The following IMPG2 variants were observed in gnomAD, a reference collection of about 807,000 sequenced individuals.
IMPG2 encodes the protein interphotoreceptor matrix proteoglycan 2.
A neutral mutation model predicts 129.2 loss-of-function variants in IMPG2; 91 were observed. That is an observed-to-expected ratio of 0.70 (90% CI 0.59 to 0.84). The LOEUF (loss-of-function observed/expected upper bound fraction) is 0.84. Among genes scored for constraint, IMPG2 ranks in the 40% least tolerant of loss-of-function variants. The pLI is 0.00. For missense variants in IMPG2, 1,430 were observed against 1,461.7 expected (o/e 0.98, Z 0.35); for synonymous variants, 510 against 517.7 (o/e 0.99, Z 0.20).
intron 14 of IMPG2, among the ~76,000 whole-genome samples, chr3:101,236,693 T>G (rs1706349521): frequency 6.6e-6 from 1 of 152,146 alleles, no homozygotes; most frequent in Non-Finnish European, 1.5e-5. Context: ...TCCCACTGTC[T>G]TCGTAACCTG....
intron 17 of IMPG2, 62 bp downstream of exon 17, chr3:101,229,318 C>CCCG: frequency 8.8e-7 from 1 of 1,136,284 alleles, no homozygotes; most frequent in Non-Finnish European, 1.3e-6. Context: ...CCACCACCCC[C>CCCG]TGCTCCCCCA....
chr3:101,317,591 T>G (rs1248210733), intron 2 of IMPG2, among the ~76,000 whole-genome samples: 3 of 152,202 alleles, frequency 2.0e-5, no homozygotes, highest in Non-Finnish European at 4.4e-5. Flanking sequence ...AAAATACTCA[T>G]TTCTGTCAAT....
chr3:101,269,281 T>C (rs1706753153), intron 8 of IMPG2, among the ~76,000 whole-genome samples: 1 of 152,224 alleles, frequency 6.6e-6, no homozygotes, highest in Non-Finnish European at 1.5e-5. Flanking sequence ...CCTGAATTCT[T>C]AACCTAGCCA....
chr3:101,277,743 A>C (rs1019200149), intron 4 of IMPG2, among the ~76,000 whole-genome samples: 7 of 152,206 alleles, frequency 4.6e-5, no homozygotes, highest in Admixed American at 1.3e-4. Flanking sequence ...TCTCCTCCTA[A>C]AGGAAAGAAA....
chr3:101,317,861 A>T (rs2058793088), intron 2 of IMPG2, among the ~76,000 whole-genome samples: 1 of 152,144 alleles, frequency 6.6e-6, no homozygotes, highest in Non-Finnish European at 1.5e-5. Flanking sequence ...CCCTTACATG[A>T]TTGGTTATTT....
chr3:101,237,363 T>C (rs1257994362), intron 14 of IMPG2, among the ~76,000 whole-genome samples: 3 of 152,174 alleles, frequency 2.0e-5, no homozygotes, highest in Non-Finnish European at 2.9e-5. Flanking sequence ...GCACTCAAGC[T>C]CTGCTAAGGG....
At chr3:101,300,515 C>T (rs1707128679) in intron 3 of IMPG2, among the ~76,000 whole-genome samples, 1 of 152,182 alleles carries the variant, frequency 6.6e-6, no homozygotes, top group African/African-American at 2.4e-5. Flanking sequence ...CCCTAGGCCC[C>T]GGAGGTATGG....
intron 7 of IMPG2, among the ~76,000 whole-genome samples, chr3:101,271,196 C>T (rs895074155): frequency 6.6e-6 from 1 of 152,174 alleles, no homozygotes; most frequent in African/African-American, 2.4e-5. Flanking sequence ...GAGGGTTAGT[C>T]TCAGCTCTGT....
At position 101,304,127 on chromosome 3, in the gene IMPG2, C is replaced by T. The variant is rs1169422136; in HGVS notation, c.501+19G>A. ...TCCTACAATAGTCCAGGAATCCCTT[C>T]CTTTGTTGTGACACTTACCTTCATG... is the stretch of plus-strand genomic sequence containing the variant. On this transcript the variant is annotated intron_variant, in intron 3 of 18. Transcript: ENST00000193391. 1 of 1,613,152 alleles carries T rather than the reference C, an allele frequency of 6.2e-7. No individual in the cohort carries two copies. The highest frequency in any genetic ancestry group is 1.1e-5 in the South Asian group (1 of 91,050).
chr3:101,248,441 T>C (rs1706508572), intron 11 of IMPG2, among the ~76,000 whole-genome samples: 1 of 152,200 alleles, frequency 6.6e-6, no homozygotes, highest in Admixed American at 6.5e-5. Context: ...TATGTCTTTA[T>C]CAGCAGCGTG....
chr3:101,273,798 A>T, intron 6 of IMPG2, 56 bp from the exon 7 acceptor site: 1 of 1,486,394 alleles, frequency 6.7e-7, no homozygotes, highest in Non-Finnish European at 9.4e-7. Context: ...CAATCAACAA[A>T]CATTTATTGA....
At chr3:101,242,280 G>T (rs1706417238) in intron 14 of IMPG2, among the ~76,000 whole-genome samples, 2 of 152,284 alleles carry the variant, frequency 1.3e-5, no homozygotes, top group South Asian at 4.1e-4. Flanking sequence ...TGTTTGGTCT[G>T]CATATAAAAA....
chr3:101,244,657 T>A lies in IMPG2; in HGVS notation c.1674A>T (p.Ser558=). ...AAGGTATAGAAGAGGTCAGATATGG[T>A]GAAGATGTTAAGGACACATCAGAGT... ...MEDSDVSLTS[S]PYLTSSIPFG... Residue 558 remains serine, a synonymous_variant, in exon 13 of 19, where the codon TCA becomes TCT. Coordinates refer to ENST00000193391, the MANE Select transcript of IMPG2 (RefSeq NM_016247.4). 1 of 1,613,930 alleles carries A rather than the reference T, an allele frequency of 6.2e-7. No homozygotes were observed.
chr3:101,277,975 CT>C (rs1402600441), intron 4 of IMPG2, among the ~76,000 whole-genome samples: 1 of 151,832 alleles, frequency 6.6e-6, no homozygotes, highest in Admixed American at 6.6e-5. Flanking sequence ...TGGCTCATGC[CT>C]GTAATCCCAG....
intron 14 of IMPG2, among the ~76,000 whole-genome samples, chr3:101,240,049 C>T (rs1171205978): frequency 2.6e-5 from 4 of 151,822 alleles, no homozygotes; most frequent in Non-Finnish European, 5.9e-5. Context: ...CACATGTATC[C>T]CAGGACTTGA....
At chr3:101,256,062 G>T (rs1446187677) in intron 10 of IMPG2, among the ~76,000 whole-genome samples, 1 of 93,642 alleles carries the variant, frequency 1.1e-5, no homozygotes, top group African/African-American at 4.0e-5. Context: ...TCAAGAAAAA[G>T]AAAAAAGAAA....
rs750337274 is a variant in IMPG2 at position 101,226,730 on chromosome 3, C to T, written c.*239G>A. On this transcript the variant is annotated 3_prime_UTR_variant, in exon 19 of 19. Coordinates refer to ENST00000193391, the MANE Select transcript of IMPG2 (RefSeq NM_016247.4). ...CTTATAGAATACTTTCCAGAGTTTA[C>T]GTAGTTTTCAATTTATTTAAACACA... The T allele has an allele frequency of 4.2e-5, 21 of 505,848 alleles. No homozygotes were observed. Among genetic ancestry groups the T allele is most frequent in the Non-Finnish European group, 6.3e-5 (18 of 286,532 alleles). 31.3% of individuals were successfully genotyped at this position (505,848 alleles called of 1,614,324 possible). A position where few individuals can be genotyped will look rare whatever the true frequency, so the allele number is the denominator to read the frequency against.
At chr3:101,283,354 GT>G (rs1706914106) in intron 4 of IMPG2, among the ~76,000 whole-genome samples, 1 of 151,984 alleles carries the variant, frequency 6.6e-6, no homozygotes, top group Non-Finnish European at 1.5e-5. Flanking sequence ...AAAATGTATT[GT>G]TGACAAAGTT....
chr3:101,260,452 A>G (rs1176801147), intron 9 of IMPG2, among the ~76,000 whole-genome samples: 1 of 152,154 alleles, frequency 6.6e-6, no homozygotes, highest in Non-Finnish European at 1.5e-5. Context: ...AAATATGCTA[A>G]AATATCAAAT....
Sources: gnomAD v4.1 joint callset for allele counts (sites outside exome capture counted in the v4.1 genomes callset) on GRCh38, gnomAD v4.1.1 for gene constraint, MANE v1.5 for transcripts, NCBI Gene and HGNC (gene_info 2026-07-23, HGNC 2026-07-21) for gene names.